Variants in TUSC3 observed in about 807,000 individuals in gnomAD.
The protein encoded by TUSC3 is dolichyl-diphosphooligosaccharide--protein glycosyltransferase subunit TUSC3.
TUSC3 carries 45 observed loss-of-function variants against 44.8 expected under a neutral mutation model. The observed-to-expected ratio is 1.00, with a 90% CI of 0.79 to 1.29. The LOEUF (loss-of-function observed/expected upper bound fraction) is 1.29. Among genes scored for constraint, TUSC3 ranks in the 50% most tolerant of loss-of-function variants. The pLI, the probability that TUSC3 is intolerant of heterozygous loss-of-function variation, is 0.00. For synonymous variants in TUSC3, 212 were observed against 152.9 expected (o/e 1.39, Z -2.85); for missense variants, 519 against 437.9 (o/e 1.19, Z -1.65).
chr8:15,630,620 A>C (rs1805716057), intron 2 of TUSC3, among the ~76,000 whole-genome samples: 1 of 152,160 alleles, frequency 6.6e-6, no homozygotes, highest in African/African-American at 2.4e-5. Context: ...TTAGAATTTA[A>C]TGCTTTCCTT....
intron 6 of TUSC3, among the ~76,000 whole-genome samples, chr8:15,728,104 A>T (rs780131219): frequency 1.2e-4 from 19 of 152,212 alleles, no homozygotes; most frequent in Non-Finnish European, 2.5e-4. Flanking sequence ...AAAGAAATAC[A>T]TAGGTTTCTT....
At chr8:15,649,068 T>C (rs1410238464) in intron 2 of TUSC3, among the ~76,000 whole-genome samples, 1 of 152,186 alleles carries the variant, frequency 6.6e-6, no homozygotes, top group African/African-American at 2.4e-5. Flanking sequence ...TCTTGATAAA[T>C]ACAATATCTT....
chr8:15,555,419 C>G (rs1008361894), intron 1 of TUSC3, among the ~76,000 whole-genome samples: 2 of 149,964 alleles, frequency 1.3e-5, no homozygotes, highest in African/African-American at 4.9e-5. Flanking sequence ...ACCTCAGCCT[C>G]CCCAGTAGCT....
intron 9 of TUSC3, among the ~76,000 whole-genome samples, chr8:15,753,381 C>T (rs1383291319): frequency 6.6e-6 from 1 of 152,026 alleles, no homozygotes; most frequent in Non-Finnish European, 1.5e-5. Context: ...ATGGTGCTCA[C>T]AGATAACCCT....
intron 1 of TUSC3, among the ~76,000 whole-genome samples, chr8:15,473,883 A>C (rs913237902): frequency 1.5e-4 from 23 of 152,180 alleles, no homozygotes; most frequent in African/African-American, 5.5e-4. Flanking sequence ...ACAGGGTTTG[A>C]GAGCAGAGAA....
At chr8:15,447,149 C>A (rs1202314553) in intron 1 of TUSC3, among the ~76,000 whole-genome samples, 1 of 151,736 alleles carries the variant, frequency 6.6e-6, no homozygotes, top group Non-Finnish European at 1.5e-5. Context: ...TAGCTAAAGA[C>A]AAATTATAAA....
chr8:15,593,876 C>A (rs75418487), intron 1 of TUSC3, among the ~76,000 whole-genome samples: 1 of 152,170 alleles, frequency 6.6e-6, no homozygotes, highest in East Asian at 1.9e-4. Flanking sequence ...TTCTTCTTCA[C>A]CAATCAGAAT....
the TUSC3 span, among the ~76,000 whole-genome samples, chr8:15,785,207 T>C: frequency 6.6e-6 from 1 of 152,066 alleles, no homozygotes; most frequent in Non-Finnish European, 1.5e-5. Flanking sequence ...GACCCGTACC[T>C]CCACAACTAC....
the TUSC3 span, among the ~76,000 whole-genome samples, chr8:15,837,778 C>T: frequency 6.6e-6 from 1 of 152,108 alleles, no homozygotes; most frequent in Non-Finnish European, 1.5e-5. Flanking sequence ...CTGTAACAAC[C>T]ATTTTCTGGT....
intron 1 of TUSC3, among the ~76,000 whole-genome samples, chr8:15,616,302 G>A (rs1804984417): frequency 6.6e-6 from 1 of 152,214 alleles, no homozygotes; most frequent in Admixed American, 6.5e-5. Context: ...ATCAGGCCAG[G>A]TGTGGTGGCT....
At position 15,662,595 on chromosome 8, in the gene TUSC3, A is replaced by G. The variant is rs548514259; in HGVS notation, c.708+299A>G. Reference sequence around the variant, plus strand: ...TGATCAGAATTAATAGCTCAGAATAATTTGCAAATGGTTTGGAAATTCAGC... The same window carrying G: ...TGATCAGAATTAATAGCTCAGAATAGTTTGCAAATGGTTTGGAAATTCAGC... On this transcript the variant is annotated intron_variant, in intron 5 of 10. Coordinates refer to ENST00000503731, the MANE Select transcript of TUSC3 (RefSeq NM_006765.4). Among the ~76,000 whole-genome samples, 131 of 152,052 alleles carry G rather than the reference A, an allele frequency of 8.6e-4. 1 individual carries two copies. The highest frequency in any genetic ancestry group is 3.0e-3 in the African/African-American group (125 of 41,516).
At chr8:15,831,811 T>A in the TUSC3 span, among the ~76,000 whole-genome samples, 1 of 152,066 alleles carries the variant, frequency 6.6e-6, no homozygotes, top group Non-Finnish European at 1.5e-5. Flanking sequence ...ATCAAATATA[T>A]GATTCATTGG....
the TUSC3 span, among the ~76,000 whole-genome samples, chr8:15,816,761 G>A: frequency 6.6e-6 from 1 of 152,128 alleles, no homozygotes; most frequent in Non-Finnish European, 1.5e-5. Context: ...GAAACGGCAT[G>A]TTTTTACACC....
At chr8:15,633,603 C>G (rs1245019474) in intron 2 of TUSC3, among the ~76,000 whole-genome samples, 3 of 152,058 alleles carry the variant, frequency 2.0e-5, no homozygotes, top group Admixed American at 6.6e-5. Context: ...TTACTAAATT[C>G]TATTTTATTG....
chr8:15,729,677 A>G (rs2129207711), intron 6 of TUSC3, among the ~76,000 whole-genome samples: 1 of 152,218 alleles, frequency 6.6e-6, no homozygotes, highest in East Asian at 1.9e-4. Flanking sequence ...ACATGGACAG[A>G]GAGGGGAACA....
At chr8:15,658,973 A>G (rs538335873) in intron 3 of TUSC3, among the ~76,000 whole-genome samples, 1 of 152,258 alleles carries the variant, frequency 6.6e-6, no homozygotes, top group Admixed American at 6.5e-5. Flanking sequence ...TGTTAAGAGC[A>G]GAAATGTTGG....
intron 9 of TUSC3, among the ~76,000 whole-genome samples, chr8:15,752,267 C>A (rs1208009252): frequency 6.6e-6 from 1 of 151,866 alleles, no homozygotes; most frequent in African/African-American, 2.4e-5. Flanking sequence ...AATTTGTGTA[C>A]AAAGGAATGG....
intron 2 of TUSC3, among the ~76,000 whole-genome samples, chr8:15,533,867 T>C (rs374326332): frequency 1.1e-4 from 16 of 152,236 alleles, no homozygotes; most frequent in African/African-American, 3.8e-4. Flanking sequence ...GGAGGTTTCT[T>C]GGGGCTGGCA....
At chr8:15,670,619 G>A (rs1807905861) in intron 5 of TUSC3, among the ~76,000 whole-genome samples, 2 of 151,790 alleles carry the variant, frequency 1.3e-5, no homozygotes, top group Admixed American at 1.3e-4. Context: ...ATAATTGGTG[G>A]GTGGGCAAAG....
Sources: gnomAD v4.1 joint callset for allele counts (sites outside exome capture counted in the v4.1 genomes callset) on GRCh38, gnomAD v4.1.1 for gene constraint, MANE v1.5 for transcripts, NCBI Gene and HGNC (gene_info 2026-07-23, HGNC 2026-07-21) for gene names.